Variants in RBFOX1 observed in about 807,000 individuals in gnomAD.
The protein encoded by RBFOX1 is RNA binding fox-1 homolog 1, also known as RNA binding protein fox-1 homolog 1.
RBFOX1 carries 8 observed loss-of-function variants against 57.7 expected under a neutral mutation model. That is an observed-to-expected ratio of 0.14 (90% confidence interval 0.08 to 0.25). RBFOX1 has a LOEUF of 0.25. RBFOX1 is among the 10% of genes least tolerant of loss of function. The pLI, the probability that RBFOX1 is intolerant of heterozygous loss-of-function variation, is 1.00. For synonymous variants in RBFOX1, 326 were observed against 222.4 expected, an observed-to-expected ratio of 1.47 and a Z score of -4.15; for missense variants, 611 against 548.5, an observed-to-expected ratio of 1.11 and a Z score of -1.14.
At chr16:7,441,351 C>G (rs916527832) in intron 4 of RBFOX1, among the ~76,000 whole-genome samples, 2 of 152,068 alleles carry the variant, frequency 1.3e-5, no homozygotes, top group African/African-American at 4.8e-5. Context: ...AACTAAAAAC[C>G]CTACCTAATA....
chr16:6,883,446 G>T (rs1390757329), intron 3 of RBFOX1, among the ~76,000 whole-genome samples: 4 of 152,170 alleles, frequency 2.6e-5, no homozygotes, highest in Non-Finnish European at 4.4e-5. Flanking sequence ...CATTGTACAA[G>T]ATTTTATTTG....
intron 4 of RBFOX1, among the ~76,000 whole-genome samples, chr16:7,148,879 C>T (rs909827443): frequency 6.6e-6 from 1 of 152,152 alleles, no homozygotes; most frequent in Admixed American, 6.5e-5. Context: ...TTCATTCTTC[C>T]TTATGCTCGG....
At chr16:6,358,669 A>G (rs2087832694) in intron 2 of RBFOX1, among the ~76,000 whole-genome samples, 1 of 152,190 alleles carries the variant, frequency 6.6e-6, no homozygotes, top group African/African-American at 2.4e-5. Flanking sequence ...ACTTACCCTA[A>G]TGTCAGAGAG....
intron 2 of RBFOX1, among the ~76,000 whole-genome samples, chr16:6,352,632 C>T (rs187952363): frequency 1.3e-5 from 2 of 152,072 alleles, no homozygotes; most frequent in Non-Finnish European, 1.5e-5. Flanking sequence ...GGTTACCATG[C>T]GAAGTCATTC....
intron 2 of RBFOX1, among the ~76,000 whole-genome samples, chr16:6,440,385 C>A (rs1394138255): frequency 6.6e-6 from 1 of 152,118 alleles, no homozygotes; most frequent in South Asian, 2.1e-4. Context: ...GGTAGCTGGG[C>A]TTAACCAAGC....
chr16:7,507,806 G>A (rs185134419), intron 4 of RBFOX1, among the ~76,000 whole-genome samples: 3 of 152,002 alleles, frequency 2.0e-5, no homozygotes, highest in East Asian at 1.9e-4. Flanking sequence ...GTCGTGATCC[G>A]CCCGCCTCGG....
intron 3 of RBFOX1, among the ~76,000 whole-genome samples, chr16:5,711,417 C>G (rs949286777): frequency 6.6e-6 from 1 of 152,178 alleles, no homozygotes; most frequent in African/African-American, 2.4e-5. Context: ...ATTCAGGATA[C>G]CACCTTTCAG....
intron 4 of RBFOX1, among the ~76,000 whole-genome samples, chr16:7,208,672 C>T (rs147046994): frequency 9.1e-4 from 139 of 152,086 alleles, no homozygotes; most frequent in African/African-American, 3.2e-3. Context: ...CGTATCTCAA[C>T]AAAAAATTAA....
chr16:7,020,542 A>G (rs1022753040), intron 3 of RBFOX1, among the ~76,000 whole-genome samples: 7 of 152,216 alleles, frequency 4.6e-5, no homozygotes, highest in African/African-American at 1.7e-4. Flanking sequence ...TTCAAAATAT[A>G]ATGTTTATGA....
At chr16:6,088,280 T>C (rs1437714765) in intron 1 of RBFOX1, among the ~76,000 whole-genome samples, 2 of 152,128 alleles carry the variant, frequency 1.3e-5, no homozygotes, top group African/African-American at 2.4e-5. Context: ...ATGAACAATA[T>C]GGAACATGTT....
chr16:6,009,306 C>G (rs928085528), intron 4 of RBFOX1, among the ~76,000 whole-genome samples: 6 of 152,196 alleles, frequency 3.9e-5, no homozygotes, highest in African/African-American at 9.7e-5. Context: ...CGTGGTTGCA[C>G]TTTGCTCTCA....
At chr16:6,002,658 A>G (rs1369878379) in intron 4 of RBFOX1, among the ~76,000 whole-genome samples, 1 of 152,234 alleles carries the variant, frequency 6.6e-6, no homozygotes, top group Non-Finnish European at 1.5e-5. Flanking sequence ...GTTTCCAGAA[A>G]GGACACAGCT....
chr16:6,495,042 A>G (rs1463028683), intron 2 of RBFOX1, among the ~76,000 whole-genome samples: 1 of 152,176 alleles, frequency 6.6e-6, no homozygotes, highest in African/African-American at 2.4e-5. Flanking sequence ...AGTCATCACC[A>G]CTTAGAGGTA....
chr16:5,762,384 C>G (rs2053623198), intron 3 of RBFOX1, among the ~76,000 whole-genome samples: 3 of 149,886 alleles, frequency 2.0e-5, no homozygotes, highest in Admixed American at 1.3e-4. Context: ...AGAAAGAAAA[C>G]TCAAGTCAGT....
chr16:7,431,335 T>G (rs2098677601), intron 4 of RBFOX1: 1 of 152,192 alleles, frequency 6.6e-6, no homozygotes, highest in Non-Finnish European at 1.5e-5. Context: ...CAAGGAATTC[T>G]CCTGCCTCAG....
chr16:5,842,087 T>C (rs2056639286), intron 3 of RBFOX1, among the ~76,000 whole-genome samples: 1 of 152,158 alleles, frequency 6.6e-6, no homozygotes, highest in African/African-American at 2.4e-5. Context: ...TCATGGATTT[T>C]GTGTGTCAGG....
intron 2 of RBFOX1, among the ~76,000 whole-genome samples, chr16:5,510,164 C>A (rs1162069614): frequency 6.6e-6 from 1 of 152,210 alleles, no homozygotes; most frequent in African/African-American, 2.4e-5. Flanking sequence ...CCTCTCTGTG[C>A]CTCAGTTTCC....
chr16:5,486,983 C>A (rs948925132), intron 2 of RBFOX1, among the ~76,000 whole-genome samples: 1 of 152,126 alleles, frequency 6.6e-6, no homozygotes, highest in East Asian at 1.9e-4. Flanking sequence ...CCCTGTAATA[C>A]CCCCAGGCCT....
intron 2 of RBFOX1, among the ~76,000 whole-genome samples, chr16:6,387,074 TAA>T (rs2092333324): frequency 6.6e-6 from 1 of 152,192 alleles, no homozygotes; most frequent in South Asian, 2.1e-4. Context: ...GGGAAATGAC[TAA>T]AGTCTTGGTA....
Sources: allele counts gnomAD v4.1 joint callset (sites outside exome capture counted in the v4.1 genomes callset), GRCh38; gene constraint gnomAD v4.1.1; transcripts MANE v1.5; gene names NCBI Gene and HGNC (gene_info 2026-07-23, HGNC 2026-07-21).